FBXO42: variants seen among roughly 807,000 people sequenced by gnomAD.
FBXO42 encodes the protein F-box only protein 42.
Under a neutral mutation model 71.7 loss-of-function variants are expected in FBXO42, and 12 were observed. The ratio of observed to expected loss-of-function variants is 0.17; its 90% CI spans 0.11 to 0.27. The LOEUF is 0.27. Ranked by LOEUF, FBXO42 falls within the 10% of genes least tolerant of loss-of-function variation. The pLI, the probability that FBXO42 is intolerant of heterozygous loss-of-function variation, is 1.00. For missense variants in FBXO42, 707 were observed against 911.9 expected (o/e 0.78, Z 2.89); for synonymous variants, 325 against 327.5 (o/e 0.99, Z 0.08).
intron 1 of FBXO42, among the ~76,000 whole-genome samples, chr1:16,325,176 T>G (rs1475026460): frequency 1.3e-5 from 2 of 152,074 alleles, no homozygotes; most frequent in Admixed American, 1.3e-4. Flanking sequence ...AGGTGGAGGC[T>G]GCAGTGAGCC....
chr1:16,253,049 AAC>A, intron 8 of FBXO42, 45 bp downstream of exon 8: 1 of 1,552,622 alleles, frequency 6.4e-7, no homozygotes. Context: ...ACAGGTTTTG[AAC>A]ACTTAGTAGC....
At position 16,311,013 on chromosome 1, in the gene FBXO42, TAAAC is replaced by T. The variant is rs559582909; in HGVS notation, c.250+4152_250+4155del. Among the ~76,000 whole-genome samples the T allele has an allele frequency of 1.9e-4, 28 of 149,534 alleles. 1 individual carries two copies. In the South Asian group the frequency reaches 5.3e-3, roughly 28 times the overall value. Reference sequence around the variant, plus strand: ...AACAAACAAAAAAACTCAACATTAATAAACAAACAACCCAATTAAAAAATGGGTC... The same window carrying T: ...AACAAACAAAAAAACTCAACATTAATAAACAACCCAATTAAAAAATGGGTC... On this transcript the variant is annotated intron_variant, in intron 2 of 9. Transcript: ENST00000375592.
intron 3 of FBXO42, among the ~76,000 whole-genome samples, chr1:16,298,182 C>A (rs997513411): frequency 1.3e-5 from 2 of 152,178 alleles, no homozygotes; most frequent in South Asian, 2.1e-4. Context: ...GCTGAGATTG[C>A]GCCACTGCAC....
intron 4 of FBXO42, among the ~76,000 whole-genome samples, chr1:16,278,524 T>C (rs2081928939): frequency 6.6e-6 from 1 of 151,934 alleles, no homozygotes; most frequent in African/African-American, 2.4e-5. Flanking sequence ...GAATAGACTC[T>C]ACTGTCAGCT....
At chr1:16,313,088 T>C (rs993287046) in intron 2 of FBXO42, among the ~76,000 whole-genome samples, 1 of 151,880 alleles carries the variant, frequency 6.6e-6, no homozygotes, top group Non-Finnish European at 1.5e-5. Flanking sequence ...TTCCACTGTG[T>C]CCGCTCAGAG....
Position 16,308,566 on chromosome 1 carries a change from C to A in FBXO42, c.251-2647G>T, listed in dbSNP as rs576259149. ...CTAGGATGGAGTGCAGTGGCACGAT[C>A]CCCGTTCACCACAATCTCTGCCTCC... On this transcript the variant is annotated intron_variant, in intron 2 of 9. Transcript: ENST00000375592. Among the ~76,000 whole-genome samples, 6 of 148,298 alleles carry A rather than the reference C, an allele frequency of 4.0e-5. No individual in the cohort carries two copies. The East Asian group carries it at 1.2e-3, about 29-fold the overall frequency.
intron 4 of FBXO42, among the ~76,000 whole-genome samples, chr1:16,267,759 A>G (rs2081794610): frequency 6.6e-6 from 1 of 152,164 alleles, no homozygotes; most frequent in Admixed American, 6.5e-5. Flanking sequence ...GATTCAGGGT[A>G]TACATTATTA....
chr1:16,251,807 C>T lies in FBXO42; in HGVS notation c.1039-22G>A, dbSNP rs1443470119. ...CCACCTGGAAGACAAAGGACCAGTG[C>T]TCACACTCTTCTATGATTCTGATTG... On this transcript the variant is annotated intron_variant, in intron 9 of 9. Transcript: ENST00000375592. This position sits in a 1 kb window ranked among gnomAD's most constrained non-coding sequence, Gnocchi z 4.5. 8 of 1,597,306 alleles carry T rather than the reference C, an allele frequency of 5.0e-6. 1 individual carries two copies. The African/African-American group carries it at 9.4e-5, about 19-fold the overall frequency.
intron 6 of FBXO42, among the ~76,000 whole-genome samples, chr1:16,253,960 T>C (rs2081615516): frequency 6.6e-6 from 1 of 152,190 alleles, no homozygotes; most frequent in Non-Finnish European, 1.5e-5. Flanking sequence ...CCTGAACAAG[T>C]CACTTAATTT....
intron 6 of FBXO42, among the ~76,000 whole-genome samples, chr1:16,254,124 G>A (rs1394738819): frequency 6.6e-6 from 1 of 152,154 alleles, no homozygotes; most frequent in Non-Finnish European, 1.5e-5. Context: ...ACTTTCCCTA[G>A]AAGTCATCCT....
intron 1 of FBXO42, among the ~76,000 whole-genome samples, chr1:16,334,969 G>A (rs1013107011): frequency 7.1e-6 from 1 of 140,194 alleles, no homozygotes; most frequent in African/African-American, 2.7e-5. Flanking sequence ...GTTCACACCC[G>A]TAATCCCAGC....
At chr1:16,253,445 A>T in intron 7 of FBXO42, 190 bp downstream of exon 7, 1 of 603,500 alleles carries the variant, frequency 1.7e-6, no homozygotes. Context: ...TTTGGGGAGG[A>T]GCATAATATA....
chr1:16,327,474 T>C (rs1008776937), intron 1 of FBXO42, among the ~76,000 whole-genome samples: 1 of 152,178 alleles, frequency 6.6e-6, no homozygotes, highest in African/African-American at 2.4e-5. Flanking sequence ...ACAAAAATGC[T>C]AACTTTTAAT....
At chr1:16,271,803 A>G (rs2081848619) in intron 4 of FBXO42, among the ~76,000 whole-genome samples, 1 of 151,978 alleles carries the variant, frequency 6.6e-6, no homozygotes, top group Non-Finnish European at 1.5e-5. Flanking sequence ...CCTGTTACTT[A>G]GTACTATACC....
At chr1:16,253,836 C>G in intron 6 of FBXO42, 105 bp from the exon 7 acceptor site, 3 of 964,220 alleles carry the variant, frequency 3.1e-6, no homozygotes, top group Admixed American at 2.1e-5. Context: ...AAACTTGCAC[C>G]ATTTTCACTT....
chr1:16,259,895 C>T (rs1219528233), intron 4 of FBXO42, among the ~76,000 whole-genome samples: 1 of 151,984 alleles, frequency 6.6e-6, no homozygotes, highest in Non-Finnish European at 1.5e-5. Flanking sequence ...AGAGGAAAGA[C>T]TACACTTTAG....
At chr1:16,293,475 G>A (rs1310402048) in intron 4 of FBXO42, 1 of 152,234 alleles carries the variant, frequency 6.6e-6, no homozygotes, top group Non-Finnish European at 1.5e-5. Context: ...GCCTTTATTG[G>A]TTGTGACAGG....
chr1:16,321,445 G>T (rs74055521), intron 1 of FBXO42, among the ~76,000 whole-genome samples: 1 of 152,054 alleles, frequency 6.6e-6, no homozygotes, highest in Non-Finnish European at 1.5e-5. Context: ...CTTTTCACAC[G>T]TAAGCATACT....
intron 4 of FBXO42, chr1:16,294,499 T>C (rs1484544146): frequency 6.1e-6 from 2 of 328,528 alleles, no homozygotes; most frequent in South Asian, 4.6e-5. Context: ...TACCAAATGA[T>C]GTATCACACC....
Sources: allele counts gnomAD v4.1 joint callset (sites outside exome capture counted in the v4.1 genomes callset), GRCh38; gene constraint gnomAD v4.1.1; non-coding constraint Gnocchi (gnomAD v3.1); transcripts MANE v1.5; gene names NCBI Gene and HGNC (gene_info 2026-07-23, HGNC 2026-07-21).